The following MGMT variants were observed in gnomAD, a reference collection of about 807,000 sequenced individuals.
MGMT encodes O-6-methylguanine-DNA methyltransferase, also known as methylated-DNA--protein-cysteine methyltransferase.
A neutral mutation model predicts 15.9 loss-of-function variants in MGMT; 14 were observed. The ratio of observed to expected loss-of-function variants is 0.88; its 90% confidence interval spans 0.58 to 1.37. MGMT has a LOEUF of 1.37. MGMT is among the 40% of genes most tolerant of loss of function. The pLI is 0.00. For synonymous variants in MGMT, 130 were observed against 118.2 expected (o/e 1.10, Z -0.65); for missense variants, 282 against 268.1 (o/e 1.05, Z -0.36).
At chr10:129,699,731 C>T (rs1367316926) in intron 2 of MGMT, among the ~76,000 whole-genome samples, 4 of 152,198 alleles carry the variant, frequency 2.6e-5, no homozygotes, top group Admixed American at 2.0e-4. Flanking sequence ...GAGCTCCTCA[C>T]AGCCCTCCTG....
In MGMT at chr10:129,764,900, T is replaced by C. The variant is rs535762416; in HGVS notation, c.415-1888T>C. On this transcript the variant is annotated intron_variant, in intron 4 of 4. Coordinates refer to ENST00000651593, the MANE Select transcript of MGMT (RefSeq NM_002412.5). ...GGGCCATCTAGGTTGCGGGGATGAA[T>C]GTGCTGCCCTCCAGCTCAGGAGGAA... is the stretch of plus-strand genomic sequence containing the variant. Among the ~76,000 whole-genome samples, 205 of 152,170 alleles carry C rather than the reference T, an allele frequency of 1.3e-3. 1 individual carries two copies. The highest frequency in any genetic ancestry group is 4.4e-3 in the African/African-American group (184 of 41,544).
intron 2 of MGMT, among the ~76,000 whole-genome samples, chr10:129,595,324 A>G (rs1293370101): frequency 6.6e-6 from 1 of 152,176 alleles, no homozygotes; most frequent in Non-Finnish European, 1.5e-5. Context: ...GGTTGGACTC[A>G]TAAGTGTACT....
At chr10:129,657,856 G>T (rs1847550328) in intron 2 of MGMT, among the ~76,000 whole-genome samples, 1 of 152,062 alleles carries the variant, frequency 6.6e-6, no homozygotes, top group Non-Finnish European at 1.5e-5. Context: ...GGAATGGGAG[G>T]ATTTGCCACC....
At chr10:129,576,901 CAA>C (rs1264446699) in intron 2 of MGMT, among the ~76,000 whole-genome samples, 2 of 152,144 alleles carry the variant, frequency 1.3e-5, no homozygotes, top group Admixed American at 6.5e-5. Flanking sequence ...AACAGGCAAA[CAA>C]GAGCCAAATC....
chr10:129,663,703 A>G (rs1847626307), intron 2 of MGMT, among the ~76,000 whole-genome samples: 1 of 152,240 alleles, frequency 6.6e-6, no homozygotes, highest in Non-Finnish European at 1.5e-5. Context: ...GCAAATAAAT[A>G]TGAAAACATT....
chr10:129,597,467 T>A (rs1365657190), intron 2 of MGMT, among the ~76,000 whole-genome samples: 1 of 151,324 alleles, frequency 6.6e-6, no homozygotes, highest in East Asian at 1.9e-4. Flanking sequence ...TTCAGACAGA[T>A]CCAGAAAAAT....
intron 3 of MGMT, among the ~76,000 whole-genome samples, chr10:129,747,727 G>A (rs762419074): frequency 4.6e-5 from 7 of 152,102 alleles, no homozygotes; most frequent in Non-Finnish European, 8.8e-5. Flanking sequence ...TTTACCTACT[G>A]CCCTTCTTCC....
At chr10:129,571,904 G>A (rs552799877) in intron 2 of MGMT, among the ~76,000 whole-genome samples, 5 of 152,294 alleles carry the variant, frequency 3.3e-5, no homozygotes, top group South Asian at 2.1e-4. Flanking sequence ...TGCAAGAATC[G>A]TTAGTGCGAC....
intron 2 of MGMT, among the ~76,000 whole-genome samples, chr10:129,670,505 G>A (rs1400506358): frequency 6.6e-6 from 1 of 151,984 alleles, no homozygotes; most frequent in Admixed American, 6.6e-5. Context: ...TAGAAGAAAG[G>A]CAATAATGAA....
chr10:129,702,676 G>C (rs11016883), intron 2 of MGMT, among the ~76,000 whole-genome samples: 57,668 of 152,074 alleles, frequency 0.38, 11,781 homozygotes, highest in Non-Finnish European at 0.45. Context: ...CTGGCATCAT[G>C]AGCTGGCATC....
At chr10:129,748,588 G>T (rs1848720541) in intron 3 of MGMT, among the ~76,000 whole-genome samples, 1 of 152,128 alleles carries the variant, frequency 6.6e-6, no homozygotes, top group African/African-American at 2.4e-5. Flanking sequence ...CACTAGGTTT[G>T]CTCCTTGCTA....
intron 3 of MGMT, among the ~76,000 whole-genome samples, chr10:129,756,931 G>A (rs765429370): frequency 1.3e-5 from 2 of 152,210 alleles, no homozygotes; most frequent in Non-Finnish European, 2.9e-5. Flanking sequence ...ATGCTTAACA[G>A]CAAGGATTGC....
intron 2 of MGMT, among the ~76,000 whole-genome samples, chr10:129,638,461 A>AAAAAAAAAAAAAG (rs1206037140): frequency 6.7e-6 from 1 of 149,814 alleles, no homozygotes; most frequent in Non-Finnish European, 1.5e-5. Flanking sequence ...AAAAAAGAAA[A>AAAAAAAAAAAAAG]ATAACTGACG....
At chr10:129,662,948 C>T in intron 2 of MGMT, among the ~76,000 whole-genome samples, 1 of 152,134 alleles carries the variant, frequency 6.6e-6, no homozygotes, top group African/African-American at 2.4e-5. Context: ...TAAATAGCAA[C>T]ACGGAAATTG....
intron 2 of MGMT, among the ~76,000 whole-genome samples, chr10:129,702,479 T>A (rs2133136678): frequency 6.6e-6 from 1 of 152,328 alleles, no homozygotes; most frequent in African/African-American, 2.4e-5. Flanking sequence ...GAGGTGCGAC[T>A]CTGATGGGCT....
At chr10:129,642,439 C>CA (rs1043246674) in intron 2 of MGMT, among the ~76,000 whole-genome samples, 145 of 145,468 alleles carry the variant, frequency 1.0e-3, no homozygotes, top group Middle Eastern at 3.6e-3. Context: ...TGAATTTTTC[C>CA]AAAAAAAAAA....
Position 129,646,719 on chromosome 10 carries a change from AATATATATATATATAT to A in MGMT, c.126-61155_126-61140del, listed in dbSNP as rs10543851. Among the ~76,000 whole-genome samples, 116 of 81,706 alleles carry A rather than the reference AATATATATATATATAT, an allele frequency of 1.4e-3. 7 individuals carry two copies. Among genetic ancestry groups the A allele is most frequent in the African/African-American group, 4.8e-3 (101 of 21,090 alleles). 53.6% of individuals were successfully genotyped at this position (81,706 alleles called of 152,430 possible). A position where few individuals can be genotyped will look rare whatever the true frequency, so the allele number is the denominator to read the frequency against. On this transcript the variant is annotated intron_variant, in intron 2 of 4. Coordinates refer to ENST00000651593, the MANE Select transcript of MGMT (RefSeq NM_002412.5). ...TTCCAGAAGCCTGCTGCCCATCAGA[AATATATATATATATAT>A]ATATATATATATATATATATTTTCA...
At chr10:129,649,647 G>T (rs902564768) in intron 2 of MGMT, among the ~76,000 whole-genome samples, 1 of 152,050 alleles carries the variant, frequency 6.6e-6, no homozygotes, top group African/African-American at 2.4e-5. Context: ...AGATTAAGAC[G>T]GACTCTTCAG....
chr10:129,482,551 G>T (rs1845369710), intron 1 of MGMT, among the ~76,000 whole-genome samples: 1 of 152,080 alleles, frequency 6.6e-6, no homozygotes, highest in Non-Finnish European at 1.5e-5. Context: ...AGTTCTGTTG[G>T]TTCTTGGTTC....
Sources: gnomAD v4.1 joint callset for allele counts (sites outside exome capture counted in the v4.1 genomes callset) on GRCh38, gnomAD v4.1.1 for gene constraint, MANE v1.5 for transcripts, NCBI Gene and HGNC (gene_info 2026-07-23, HGNC 2026-07-21) for gene names.